SYNDIG1: variants seen among roughly 807,000 people sequenced by gnomAD.
The protein encoded by SYNDIG1 is synapse differentiation inducing 1.
SYNDIG1 carries 9 observed loss-of-function variants against 19.4 expected under a neutral mutation model. That is an observed-to-expected ratio of 0.46 (90% CI 0.28 to 0.81). SYNDIG1 has a LOEUF of 0.81. Ranked by LOEUF, SYNDIG1 falls within the 30% of genes least tolerant of loss-of-function variation. The pLI is 0.12. For synonymous variants in SYNDIG1, 141 were observed against 145.9 expected, an observed-to-expected ratio of 0.97 and a Z score of 0.24; for missense variants, 311 against 343.3, an observed-to-expected ratio of 0.91 and a Z score of 0.74.
At chr20:24,611,408 C>T (rs531455791) in intron 3 of SYNDIG1, among the ~76,000 whole-genome samples, 8 of 152,334 alleles carry the variant, frequency 5.3e-5, no homozygotes, top group South Asian at 2.1e-4. Flanking sequence ...AAGACTTCAG[C>T]GGTTCCTGAT....
At chr20:24,556,157 G>C (rs1180846896) in intron 2 of SYNDIG1, among the ~76,000 whole-genome samples, 1 of 151,990 alleles carries the variant, frequency 6.6e-6, no homozygotes, top group African/African-American at 2.4e-5. Context: ...CCATTTGCTT[G>C]GTAGATCTTC....
intron 1 of SYNDIG1, among the ~76,000 whole-genome samples, chr20:24,533,637 G>A (rs141787860): frequency 2.0e-5 from 3 of 152,014 alleles, no homozygotes; most frequent in Non-Finnish European, 4.4e-5. Flanking sequence ...TCTGGGGGGC[G>A]CTGGGGAAGT....
intron 3 of SYNDIG1, among the ~76,000 whole-genome samples, chr20:24,613,351 G>A (rs768903949): frequency 6.6e-6 from 1 of 152,114 alleles, no homozygotes; most frequent in Non-Finnish European, 1.5e-5. Context: ...ATCCGCACCT[G>A]GACAGCCGCT....
intron 2 of SYNDIG1, among the ~76,000 whole-genome samples, chr20:24,571,133 G>A (rs1428748845): frequency 1.3e-5 from 2 of 152,050 alleles, no homozygotes; most frequent in African/African-American, 4.8e-5. Context: ...GGGAAAGGTG[G>A]GATATGAAAA....
At chr20:24,523,358 G>A (rs2057047724) in intron 1 of SYNDIG1, among the ~76,000 whole-genome samples, 1 of 152,206 alleles carries the variant, frequency 6.6e-6, no homozygotes, top group African/African-American at 2.4e-5. Flanking sequence ...TGAACTCTTG[G>A]TCAAACTGAT....
At chr20:24,479,986 A>G (rs950998926) in intron 1 of SYNDIG1, among the ~76,000 whole-genome samples, 3 of 151,324 alleles carry the variant, frequency 2.0e-5, no homozygotes, top group Non-Finnish European at 4.4e-5. Context: ...ACACACACAC[A>G]CTCCATGGTC....
intron 1 of SYNDIG1, among the ~76,000 whole-genome samples, chr20:24,480,511 G>A (rs762197536): frequency 2.6e-5 from 4 of 152,196 alleles, no homozygotes; most frequent in Non-Finnish European, 4.4e-5. Flanking sequence ...TGGAACCCAT[G>A]TGCACTACTT....
At chr20:24,603,863 C>A (rs2058714610) in intron 3 of SYNDIG1, among the ~76,000 whole-genome samples, 1 of 152,184 alleles carries the variant, frequency 6.6e-6, no homozygotes, top group South Asian at 2.1e-4. Flanking sequence ...AGAAGAATAT[C>A]TGAAAGAATG....
At position 24,594,734 on chromosome 20, in the gene SYNDIG1, T is replaced by A. The variant is rs987109539; in HGVS notation, c.618+9741T>A. ...CATTTTATAATTCTCATTGTAGAGA[T>A]CTTTCACCTCCCTGTTAGCTGTATT... On this transcript the variant is annotated intron_variant, in intron 3 of 3. Coordinates refer to ENST00000376862, the MANE Select transcript of SYNDIG1 (RefSeq NM_024893.3). 3.3e-5 allele frequency among the ~76,000 whole-genome samples: 5 copies of A among 152,218 alleles called. No homozygotes were observed. In the South Asian group the frequency reaches 1.0e-3, roughly 31 times the overall value.
chr20:24,653,738 ACT>A (rs2059496366), intron 3 of SYNDIG1, among the ~76,000 whole-genome samples: 1 of 151,896 alleles, frequency 6.6e-6, no homozygotes, highest in Non-Finnish European at 1.5e-5. Context: ...CGGAAATTTA[ACT>A]CTGTCAGCTC....
intron 3 of SYNDIG1, among the ~76,000 whole-genome samples, chr20:24,639,106 A>G (rs1478068038): frequency 6.6e-6 from 1 of 152,182 alleles, no homozygotes; most frequent in East Asian, 1.9e-4. Flanking sequence ...ACATTATTAT[A>G]ATACAAAGCA....
In SYNDIG1 at chr20:24,665,603, A is replaced by G; in HGVS notation, c.*99A>G. ...ATGCTGTACAGTACAAATGATTGCC[A>G]AATGATGCCACGAAGCCCTGGGATT... On this transcript the variant is annotated 3_prime_UTR_variant, in exon 4 of 4. Coordinates refer to ENST00000376862, the MANE Select transcript of SYNDIG1 (RefSeq NM_024893.3). 6.7e-7 allele frequency: 1 copy of G among 1,499,790 alleles called. No individual in the cohort carries two copies. Among genetic ancestry groups the G allele is most frequent in the African/African-American group, 1.4e-5 (1 of 70,078 alleles). The allele number at this position is 1,499,790 out of a possible 1,614,324, so 92.9% of individuals were successfully genotyped here. A position where few individuals can be genotyped will look rare whatever the true frequency, so the allele number is the denominator to read the frequency against.
chr20:24,601,346 T>G (rs2058677562), intron 3 of SYNDIG1, among the ~76,000 whole-genome samples: 1 of 152,234 alleles, frequency 6.6e-6, no homozygotes, highest in African/African-American at 2.4e-5. Flanking sequence ...AGAGTTCCCT[T>G]TTTCTGTTCT....
At chr20:24,575,007 A>G (rs2058204768) in intron 2 of SYNDIG1, among the ~76,000 whole-genome samples, 1 of 152,188 alleles carries the variant, frequency 6.6e-6, no homozygotes, top group Non-Finnish European at 1.5e-5. Flanking sequence ...GTCTCCCTGG[A>G]GCACGGTAGA....
chr20:24,604,048 A>T (rs1242903579), intron 3 of SYNDIG1, among the ~76,000 whole-genome samples: 3 of 152,200 alleles, frequency 2.0e-5, no homozygotes, highest in Admixed American at 2.0e-4. Context: ...TCTTACCAAA[A>T]CAAACAACAT....
rs778753984 is a variant in SYNDIG1 at position 24,665,545 on chromosome 20, G to C, written c.*41G>C. ...AGGGGGAGCACCCGGGGCCAGGTCT[G>C]TGTGGACGTGGAGGAAGCAGGCATA... is the stretch of plus-strand genomic sequence containing the variant. On this transcript the variant is annotated 3_prime_UTR_variant, in exon 4 of 4. Coordinates refer to ENST00000376862, the MANE Select transcript of SYNDIG1 (RefSeq NM_024893.3). 3.1e-6 allele frequency: 5 copies of C among 1,610,838 alleles called. No individual in the cohort carries two copies. Among genetic ancestry groups the C allele is most frequent in the South Asian group, 1.1e-5 (1 of 90,518 alleles).
At chr20:24,509,549 T>A (rs76140207) in intron 1 of SYNDIG1, among the ~76,000 whole-genome samples, 16,518 of 152,276 alleles carry the variant, frequency 0.11, 1,249 homozygotes, top group African/African-American at 0.21. Context: ...TCATTAAATA[T>A]CACTCGTGTT....
intron 2 of SYNDIG1, among the ~76,000 whole-genome samples, chr20:24,552,758 T>C (rs922886301): frequency 1.3e-5 from 2 of 152,198 alleles, no homozygotes; most frequent in African/African-American, 2.4e-5. Flanking sequence ...TGAATAGTGC[T>C]GCAATAAACA....
chr20:24,646,785 C>A (rs2059426728), intron 3 of SYNDIG1, among the ~76,000 whole-genome samples: 1 of 152,088 alleles, frequency 6.6e-6, no homozygotes. Flanking sequence ...ACACTCCCAG[C>A]TAATTTTTGC....
Sources: gnomAD v4.1 joint callset for allele counts (sites outside exome capture counted in the v4.1 genomes callset) on GRCh38, gnomAD v4.1.1 for gene constraint, MANE v1.5 for transcripts, NCBI Gene and HGNC (gene_info 2026-07-23, HGNC 2026-07-21) for gene names.